SORBS2: variants seen among roughly 807,000 people sequenced by gnomAD.
SORBS2 encodes sorbin and SH3 domain-containing protein 2.
SORBS2 carries 46 observed loss-of-function variants against 97.7 expected under a neutral mutation model. The ratio of observed to expected loss-of-function variants is 0.47; its 90% CI spans 0.37 to 0.60. The LOEUF (loss-of-function observed/expected upper bound fraction) is 0.60. SORBS2 is among the 20% of genes least tolerant of loss of function. The probability of loss-of-function intolerance (pLI) is 0.00; values close to 1 mark genes in which losing one functional copy is unlikely to be tolerated. For missense variants in SORBS2, 1,316 were observed against 1,282.3 expected (o/e 1.03, Z -0.40); for synonymous variants, 476 against 473.4 (o/e 1.01, Z -0.07).
intron 14 of SORBS2, among the ~76,000 whole-genome samples, chr4:185,588,826 G>GCTGGCCTCGAACTC (rs2095853949): frequency 6.6e-6 from 1 of 152,112 alleles, no homozygotes. Flanking sequence ...TGTTGACCAG[G>GCTGGCCTCGAACTC]CTGGCCTCGA....
At chr4:185,831,002 C>G (rs888452666) in intron 1 of SORBS2, among the ~76,000 whole-genome samples, 1 of 152,100 alleles carries the variant, frequency 6.6e-6, no homozygotes, top group Non-Finnish European at 1.5e-5. Context: ...TATAACTCTT[C>G]CTTATTTGGG....
At chr4:185,739,230 G>A (rs1385869229) in intron 2 of SORBS2, among the ~76,000 whole-genome samples, 1 of 152,144 alleles carries the variant, frequency 6.6e-6, no homozygotes, top group Non-Finnish European at 1.5e-5. Context: ...CATTCACAAA[G>A]TCAAAAAGCT....
chr4:185,833,390 A>G (rs752634668), intron 1 of SORBS2, among the ~76,000 whole-genome samples: 13 of 152,346 alleles, frequency 8.5e-5, no homozygotes, highest in Non-Finnish European at 1.6e-4. Context: ...TATCATGTAC[A>G]TGGCTCCTGG....
intron 5 of SORBS2, among the ~76,000 whole-genome samples, chr4:185,628,917 A>G (rs2096861128): frequency 1.3e-5 from 2 of 152,218 alleles, no homozygotes; most frequent in African/African-American, 4.8e-5. Flanking sequence ...TTAATGAATG[A>G]AGCCACATAT....
chr4:185,828,352 T>C (rs191818227), intron 1 of SORBS2, among the ~76,000 whole-genome samples: 2 of 152,178 alleles, frequency 1.3e-5, no homozygotes, highest in East Asian at 3.9e-4. Context: ...AGGCCATTCT[T>C]GGAGACAGAC....
At chr4:185,691,317 A>G (rs2098089149) in intron 2 of SORBS2, among the ~76,000 whole-genome samples, 1 of 151,598 alleles carries the variant, frequency 6.6e-6, no homozygotes, top group Non-Finnish European at 1.5e-5. Context: ...CTCCCACCTC[A>G]GCCTCTCAAG....
intron 4 of SORBS2, among the ~76,000 whole-genome samples, chr4:185,677,988 TA>T (rs1461363378): frequency 8.5e-5 from 13 of 152,314 alleles, no homozygotes; most frequent in Non-Finnish European, 1.9e-4. Context: ...ATAGTTTATT[TA>T]ATAGCATTGT....
chr4:185,953,717 T>C (rs946171311), intron 1 of SORBS2, among the ~76,000 whole-genome samples: 1 of 152,208 alleles, frequency 6.6e-6, no homozygotes, highest in African/African-American at 2.4e-5. Flanking sequence ...TCATGTCAAC[T>C]CCATCATCCC....
At chr4:185,731,866 CTATATATATATATATATATATATATATA>C (rs544211866) in intron 2 of SORBS2, among the ~76,000 whole-genome samples, 332 of 24,688 alleles carry the variant, frequency 0.013, 4 homozygotes, top group Admixed American at 0.027. Flanking sequence ...CTCTCTCTCT[CTATATATATATATATATATATATATATA>C]TATATATATA....
chr4:185,759,256 A>T (rs757456810), intron 2 of SORBS2, among the ~76,000 whole-genome samples: 2 of 152,220 alleles, frequency 1.3e-5, no homozygotes, highest in South Asian at 2.1e-4. Flanking sequence ...GTTAAAAATG[A>T]TTTCTGCCCA....
intron 1 of SORBS2, among the ~76,000 whole-genome samples, chr4:185,792,968 A>G (rs2099087892): frequency 6.6e-6 from 1 of 152,210 alleles, no homozygotes; most frequent in African/African-American, 2.4e-5. Flanking sequence ...AAATGAGAAT[A>G]ATGTACTCAT....
At chr4:185,883,842 TA>T (rs2099238049) in intron 1 of SORBS2, among the ~76,000 whole-genome samples, 1 of 152,174 alleles carries the variant, frequency 6.6e-6, no homozygotes, top group African/African-American at 2.4e-5. Flanking sequence ...AGCAAGACCG[TA>T]TATCTAAAAA....
intron 1 of SORBS2, among the ~76,000 whole-genome samples, chr4:185,941,935 G>A (rs1205258080): frequency 6.6e-6 from 1 of 152,042 alleles, no homozygotes; most frequent in African/African-American, 2.4e-5. Context: ...GGCCAATGTG[G>A]TGAAACCCCA....
chr4:185,819,839 C>G (rs1389484244), intron 1 of SORBS2, among the ~76,000 whole-genome samples: 1 of 152,176 alleles, frequency 6.6e-6, no homozygotes, highest in African/African-American at 2.4e-5. Context: ...ATCAATATCT[C>G]AAAGTATACT....
intron 9 of SORBS2, among the ~76,000 whole-genome samples, chr4:185,615,817 T>C (rs2096618104): frequency 6.6e-6 from 1 of 152,242 alleles, no homozygotes; most frequent in African/African-American, 2.4e-5. Context: ...TTTCTATCTT[T>C]TATTTACAAA....
At chr4:185,588,367 G>A (rs1442397133) in intron 14 of SORBS2, among the ~76,000 whole-genome samples, 1 of 152,162 alleles carries the variant, frequency 6.6e-6, no homozygotes, top group East Asian at 1.9e-4. Flanking sequence ...ACGCACAAAT[G>A]GCTATCATAA....
At position 185,819,734 on chromosome 4, in the gene SORBS2, T is replaced by C. The variant is rs568912806; in HGVS notation, c.-337-44368A>G. On this transcript the variant is annotated intron_variant, in intron 1 of 20. Transcript: ENST00000284776. ...GGGTTGCGGAAGCACCCTTCCTTCA[T>C]TCCTGCCTGGGGGTGTCCTTGCCTA... is the stretch of plus-strand genomic sequence containing the variant. Among the ~76,000 whole-genome samples, 6 of 152,306 alleles carry C rather than the reference T, an allele frequency of 3.9e-5. No homozygotes were observed. In the South Asian group the frequency reaches 6.2e-4, roughly 16 times the overall value.
intron 1 of SORBS2, among the ~76,000 whole-genome samples, chr4:185,806,392 C>A (rs1322416952): frequency 3.3e-5 from 5 of 149,822 alleles, no homozygotes; most frequent in Non-Finnish European, 1.5e-5. Context: ...TGCTTGTACT[C>A]TTAGAGGATC....
At chr4:185,936,830 G>C (rs2099269175) in intron 1 of SORBS2, among the ~76,000 whole-genome samples, 1 of 152,150 alleles carries the variant, frequency 6.6e-6, no homozygotes, top group African/African-American at 2.4e-5. Context: ...CTCAGCTTCT[G>C]CTCTCACTAC....
Sources: gnomAD v4.1 joint callset for allele counts (sites outside exome capture counted in the v4.1 genomes callset) on GRCh38, gnomAD v4.1.1 for gene constraint, MANE v1.5 for transcripts, NCBI Gene and HGNC (gene_info 2026-07-23, HGNC 2026-07-21) for gene names.